The following RNF145 variants were observed in gnomAD, a reference collection of about 807,000 sequenced individuals.
RNF145 encodes ring finger protein 145.
Under a neutral mutation model 57.3 loss-of-function variants are expected in RNF145, and 12 were observed. That is an observed-to-expected ratio of 0.21 (90% confidence interval 0.13 to 0.34). The LOEUF (loss-of-function observed/expected upper bound fraction) is 0.34, where lower values mean the gene tolerates loss of function less well. Ranked by LOEUF, RNF145 falls within the 10% of genes least tolerant of loss-of-function variation. The pLI, the probability that RNF145 is intolerant of heterozygous loss-of-function variation, is 1.00. For missense variants in RNF145, 429 were observed against 799.0 expected, an observed-to-expected ratio of 0.54 and a Z score of 5.58; for synonymous variants, 262 against 288.3, an observed-to-expected ratio of 0.91 and a Z score of 0.92.
intron 6 of RNF145, 103 bp downstream of exon 6, chr5:159,173,880 G>T: frequency 2.5e-6 from 2 of 789,620 alleles, no homozygotes; most frequent in Non-Finnish European, 1.9e-6. Context: ...ATACGAAGTT[G>T]TGTAACATGA....
intron 10 of RNF145, 48 bp from the exon 11 acceptor site, chr5:159,159,083 A>G (rs772992434): frequency 1.3e-6 from 2 of 1,540,944 alleles, no homozygotes; most frequent in South Asian, 2.5e-5. Context: ...GTTTTCTAGT[A>G]TCTTTGGTGC....
intron 9 of RNF145, among the ~76,000 whole-genome samples, chr5:159,161,855 G>T (rs932277962): frequency 6.6e-6 from 1 of 152,102 alleles, no homozygotes; most frequent in Non-Finnish European, 1.5e-5. Context: ...AAAACAAAAA[G>T]CCACACCGTC....
rs956892116 is a variant in RNF145 at position 159,181,790 on chromosome 5, AAAG to A, written c.385+167_385+169del. Among the ~76,000 whole-genome samples, 16 of 151,940 alleles carry A rather than the reference AAAG, an allele frequency of 1.1e-4. No homozygotes were observed. In the Middle Eastern group the frequency reaches 0.01, roughly 97 times the overall value. Reference sequence around the variant, plus strand: ...TAAATACATAATCTATACATGGGGAAAAGAAGACTTAAAAAAAAAAAACCACCA... The same window carrying A: ...TAAATACATAATCTATACATGGGGAAAAGACTTAAAAAAAAAAAACCACCA... On this transcript the variant is annotated intron_variant, in intron 4 of 10. Coordinates refer to ENST00000424310, the MANE Select transcript of RNF145 (RefSeq NM_001199383.2).
chr5:159,209,654 G>A (rs1786045210), upstream of RNF145: 1 of 976,252 alleles, frequency 1.0e-6, no homozygotes, highest in Non-Finnish European at 1.3e-6. Flanking sequence ...AATCGCGCCC[G>A]CGGAGTGCTT....
intron 1 of RNF145, chr5:159,207,875 A>G (rs768496550): frequency 6.2e-7 from 1 of 1,613,974 alleles, no homozygotes; most frequent in African/African-American, 1.3e-5. Context: ...GAGAGAGGAA[A>G]TAAAACTGCT....
upstream of RNF145, chr5:159,209,709 A>G: frequency 9.5e-7 from 1 of 1,054,984 alleles, no homozygotes; most frequent in Non-Finnish European, 1.4e-6. Context: ...AAGCCTAGCC[A>G]AGCCCATACA....
At chr5:159,193,178 C>A (rs562290664) in intron 3 of RNF145, among the ~76,000 whole-genome samples, 1 of 152,258 alleles carries the variant, frequency 6.6e-6, no homozygotes, top group South Asian at 2.1e-4. Context: ...TTCTGTCATG[C>A]AAAACGGGGA....
chr5:159,201,705 A>C (rs1032769279), intron 2 of RNF145, among the ~76,000 whole-genome samples: 1 of 152,214 alleles, frequency 6.6e-6, no homozygotes. Flanking sequence ...ATCTGTATAA[A>C]AAGGGGGGAA....
At chr5:159,200,992 C>T (rs1017382551) in intron 2 of RNF145, among the ~76,000 whole-genome samples, 7 of 152,144 alleles carry the variant, frequency 4.6e-5, no homozygotes, top group African/African-American at 1.7e-4. Flanking sequence ...ATTGTAGGAA[C>T]TCTCAACCAC....
Sources: gnomAD v4.1 joint callset for allele counts (sites outside exome capture counted in the v4.1 genomes callset) on GRCh38, gnomAD v4.1.1 for gene constraint, MANE v1.5 for transcripts, NCBI Gene and HGNC (gene_info 2026-07-23, HGNC 2026-07-21) for gene names.